Variants in SAMD12 observed in about 807,000 individuals in gnomAD.
The protein encoded by SAMD12 is sterile alpha motif domain containing 12.
Under a neutral mutation model 15.0 loss-of-function variants are expected in SAMD12, and 9 were observed. The observed-to-expected ratio is 0.60, with a 90% confidence interval of 0.36 to 1.05. SAMD12 has a LOEUF of 1.05. Ranked by LOEUF, SAMD12 falls within the 50% of genes least tolerant of loss-of-function variation. The pLI, the probability that SAMD12 is intolerant of heterozygous loss-of-function variation, is 0.01. For missense variants in SAMD12, 230 were observed against 234.2 expected, an observed-to-expected ratio of 0.98 and a Z score of 0.12; for synonymous variants, 86 against 90.1, an observed-to-expected ratio of 0.96 and a Z score of 0.25.
At chr8:118,359,497 A>T (rs917443717) in intron 4 of SAMD12, among the ~76,000 whole-genome samples, 13 of 152,054 alleles carry the variant, frequency 8.5e-5, no homozygotes, top group Non-Finnish European at 8.8e-5. Context: ...CCCAGTTGTA[A>T]CTCTAGCACC....
chr8:118,572,375 T>C (rs1586828194), intron 2 of SAMD12, among the ~76,000 whole-genome samples: 2 of 152,176 alleles, frequency 1.3e-5, no homozygotes, highest in South Asian at 2.1e-4. Context: ...GTTAAGACTA[T>C]GTGGAACTGT....
chr8:118,580,073 A>T (rs1366666777), intron 2 of SAMD12, among the ~76,000 whole-genome samples: 2 of 152,186 alleles, frequency 1.3e-5, no homozygotes, highest in African/African-American at 2.4e-5. Context: ...TAAGCATACT[A>T]CAGCAGAATA....
chr8:118,365,762 C>T (rs1818733078), intron 4 of SAMD12, among the ~76,000 whole-genome samples: 1 of 152,090 alleles, frequency 6.6e-6, no homozygotes, highest in South Asian at 2.1e-4. Context: ...CTAATACAGC[C>T]TCAGAACAGT....
At chr8:118,183,920 C>A in the SAMD12 span, among the ~76,000 whole-genome samples, 1 of 152,040 alleles carries the variant, frequency 6.6e-6, no homozygotes, top group Non-Finnish European at 1.5e-5. Context: ...TGAAAACATG[C>A]GATATTTGGT....
At chr8:118,584,963 A>ACACG (rs1827400463) in intron 1 of SAMD12, among the ~76,000 whole-genome samples, 2 of 151,896 alleles carry the variant, frequency 1.3e-5, no homozygotes, top group Admixed American at 6.6e-5. Flanking sequence ...ACAAACACAC[A>ACACG]CACACAAACT....
At chr8:118,289,234 C>T (rs1057033832) in intron 4 of SAMD12, among the ~76,000 whole-genome samples, 1 of 152,186 alleles carries the variant, frequency 6.6e-6, no homozygotes, top group Non-Finnish European at 1.5e-5. Flanking sequence ...ACTTTGGATT[C>T]CTGGCAACTT....
chr8:118,537,397 G>A (rs1461484003), intron 2 of SAMD12, among the ~76,000 whole-genome samples: 2 of 151,936 alleles, frequency 1.3e-5, no homozygotes, highest in Non-Finnish European at 2.9e-5. Flanking sequence ...TCTCTTTAGG[G>A]CAATAACTCT....
chr8:118,440,749 C>T (rs190397667), intron 2 of SAMD12, among the ~76,000 whole-genome samples: 6 of 151,248 alleles, frequency 4.0e-5, no homozygotes, highest in Admixed American at 4.0e-4. Flanking sequence ...AAAGCTTAGC[C>T]TTTGACAAAT....
At chr8:118,598,128 A>G (rs1298093031) in intron 1 of SAMD12, among the ~76,000 whole-genome samples, 3 of 152,194 alleles carry the variant, frequency 2.0e-5, no homozygotes, top group East Asian at 3.8e-4. Flanking sequence ...TCTGATATGC[A>G]TGTGTATCTC....
intron 4 of SAMD12, chr8:118,282,241 A>T (rs893883084): frequency 4.4e-6 from 2 of 455,756 alleles, no homozygotes; most frequent in African/African-American, 4.0e-5. Context: ...CATATATCTA[A>T]GGTCAAACAC....
intron 2 of SAMD12, among the ~76,000 whole-genome samples, chr8:118,484,274 T>C (rs1475068923): frequency 2.6e-5 from 4 of 152,206 alleles, no homozygotes; most frequent in East Asian, 1.9e-4. Flanking sequence ...AAATGTATTA[T>C]TGATACAGCT....
intron 4 of SAMD12, among the ~76,000 whole-genome samples, chr8:118,230,834 C>G (rs1812296609): frequency 6.6e-6 from 1 of 152,082 alleles, no homozygotes; most frequent in Non-Finnish European, 1.5e-5. Flanking sequence ...GAGACCAAAT[C>G]AGAGGGGCAG....
At chr8:118,510,842 ACT>A (rs1430423885) in intron 2 of SAMD12, among the ~76,000 whole-genome samples, 8 of 152,202 alleles carry the variant, frequency 5.3e-5, no homozygotes, top group African/African-American at 1.7e-4. Context: ...AGTGCTAATG[ACT>A]CACAATATTA....
intron 1 of SAMD12, among the ~76,000 whole-genome samples, chr8:118,613,955 C>T (rs993105868): frequency 2.6e-5 from 4 of 152,136 alleles, no homozygotes; most frequent in African/African-American, 9.7e-5. Flanking sequence ...CCTCTGTTGC[C>T]TCATGACTGC....
rs569359956 is a variant in SAMD12 at position 118,404,102 on chromosome 8, C to A, written c.323-24402G>T. ...GGCACAAGCAGTCCTTCCATCTCAA[C>A]CTCCCAAGTAGCTGGGACTATGGGC... On this transcript the variant is annotated intron_variant, in intron 3 of 3. Transcript: ENST00000314727. Among the ~76,000 whole-genome samples the A allele has an allele frequency of 2.0e-5, 3 of 152,290 alleles. No individual in the cohort carries two copies. The East Asian group carries it at 5.8e-4, about 29-fold the overall frequency.
At chr8:118,292,349 G>GACACACATACACACACACACACACAC (rs111807707) in intron 4 of SAMD12, among the ~76,000 whole-genome samples, 8 of 137,720 alleles carry the variant, frequency 5.8e-5, no homozygotes, top group Middle Eastern at 3.8e-3. Context: ...CAAACACACA[G>GACACACATACACACACACACACACAC]ACACACACAC....
At chr8:118,137,436 T>C in the SAMD12 span, among the ~76,000 whole-genome samples, 2 of 152,168 alleles carry the variant, frequency 1.3e-5, no homozygotes, top group Non-Finnish European at 2.9e-5. Context: ...TTTTGTTACT[T>C]AGGCATGGAA....
At chr8:118,469,845 G>A (rs1273334439) in intron 2 of SAMD12, among the ~76,000 whole-genome samples, 1 of 151,762 alleles carries the variant, frequency 6.6e-6, no homozygotes, top group Non-Finnish European at 1.5e-5. Flanking sequence ...CTACAGGCGT[G>A]AGCCACCATG....
intron 4 of SAMD12, among the ~76,000 whole-genome samples, chr8:118,209,040 T>C (rs952729415): frequency 8.5e-5 from 13 of 152,228 alleles, no homozygotes; most frequent in African/African-American, 2.9e-4. Flanking sequence ...TAAACCTCTT[T>C]GAATTGGCAA....
Sources: gnomAD v4.1 joint callset for allele counts (sites outside exome capture counted in the v4.1 genomes callset) on GRCh38, gnomAD v4.1.1 for gene constraint, MANE v1.5 for transcripts, NCBI Gene and HGNC (gene_info 2026-07-23, HGNC 2026-07-21) for gene names.